TWIST2: variants seen among roughly 807,000 people sequenced by gnomAD.
TWIST2 encodes the protein twist family bHLH transcription factor 2, also known as twist-related protein 2.
In TWIST2, 1 loss-of-function variant was observed where a neutral mutation model predicts 11.6. The observed-to-expected ratio is 0.09, with a 90% CI of 0.03 to 0.41. TWIST2 has a LOEUF of 0.41. Ranked by LOEUF, TWIST2 falls within the 10% of genes least tolerant of loss-of-function variation. The probability of loss-of-function intolerance (pLI) is 0.98; values close to 1 mark genes in which losing one functional copy is unlikely to be tolerated. For synonymous variants in TWIST2, 87 were observed against 96.6 expected, an observed-to-expected ratio of 0.90 and a Z score of 0.58; for missense variants, 168 against 226.4, an observed-to-expected ratio of 0.74 and a Z score of 1.66.
chr2:238,891,142 C>T (rs1693125129), intron 1 of TWIST2, among the ~76,000 whole-genome samples: 1 of 152,236 alleles, frequency 6.6e-6, no homozygotes, highest in Admixed American at 6.5e-5. Flanking sequence ...AATGAAATGT[C>T]AGGAATTGCA....
At chr2:238,906,222 A>G (rs1322031906) in intron 1 of TWIST2, among the ~76,000 whole-genome samples, 3 of 152,040 alleles carry the variant, frequency 2.0e-5, no homozygotes, top group Non-Finnish European at 4.4e-5. Context: ...CCACGCCCAC[A>G]GGGACACACA....
intron 1 of TWIST2, among the ~76,000 whole-genome samples, chr2:238,895,377 C>T (rs940285351): frequency 6.6e-6 from 1 of 152,248 alleles, no homozygotes; most frequent in African/African-American, 2.4e-5. Flanking sequence ...GGCCAGGTGG[C>T]CCCCAGAAGG....
At chr2:238,906,057 T>A (rs1390233619) in intron 1 of TWIST2, among the ~76,000 whole-genome samples, 4 of 152,180 alleles carry the variant, frequency 2.6e-5, no homozygotes, top group African/African-American at 9.7e-5. Context: ...TCTTGGCTTT[T>A]TCAGACTGTT....
intron 1 of TWIST2, among the ~76,000 whole-genome samples, chr2:238,853,910 A>G (rs1692287237): frequency 6.6e-6 from 1 of 152,218 alleles, no homozygotes; most frequent in Admixed American, 6.5e-5. Flanking sequence ...TGAAGATGAG[A>G]GAGCGCGGCT....
At chr2:238,900,549 G>A (rs1693256347) in intron 1 of TWIST2, among the ~76,000 whole-genome samples, 2 of 152,356 alleles carry the variant, frequency 1.3e-5, no homozygotes, top group African/African-American at 2.4e-5. Flanking sequence ...TGGACAGAAG[G>A]CATTTCTAGT....
chr2:238,887,596 C>T (rs1460564627), intron 1 of TWIST2, among the ~76,000 whole-genome samples: 1 of 152,250 alleles, frequency 6.6e-6, no homozygotes, highest in Non-Finnish European at 1.5e-5. Context: ...TCACACTCCT[C>T]AGAGCCCCTG....
At chr2:238,895,582 C>T (rs991846807) in intron 1 of TWIST2, among the ~76,000 whole-genome samples, 4 of 152,220 alleles carry the variant, frequency 2.6e-5, no homozygotes, top group African/African-American at 4.8e-5. Flanking sequence ...TCTGGCTGCT[C>T]GTGGCTGGCC....
chr2:238,853,447 T>G (rs879658433), intron 1 of TWIST2, among the ~76,000 whole-genome samples: 10,788 of 58,506 alleles, frequency 0.18, 2 homozygotes, highest in Non-Finnish European at 0.21. Context: ...GAGGGAGAGA[T>G]GGAGAGAGAG....
At chr2:238,905,908 T>TGCAG (rs1693339669) in intron 1 of TWIST2, among the ~76,000 whole-genome samples, 109 of 43,940 alleles carry the variant, frequency 2.5e-3, no homozygotes, top group African/African-American at 0.011. Flanking sequence ...TGTGTGCGTG[T>TGCAG]GTGTGCGTGC....
Position 238,867,779 on chromosome 2 carries a change from TAGG to T in TWIST2, c.*35+19050_*35+19052del, listed in dbSNP as rs1692569590. Among the ~76,000 whole-genome samples, 1 of 152,068 alleles carries T rather than the reference TAGG, an allele frequency of 6.6e-6. No individual in the cohort carries two copies. The highest frequency in any genetic ancestry group is 1.5e-5 in the Non-Finnish European group (1 of 68,016). ...CATCAGAAAGAAATTGATGGTGAGT[TAGG>T]AGGCCAGGAGGGAAGCAGCCGTTCC... On this transcript the variant is annotated intron_variant, in intron 1 of 1. Coordinates refer to ENST00000612363, the MANE Select transcript of TWIST2 (RefSeq NM_001271893.4). This position sits in a 1 kb window ranked among gnomAD's most constrained non-coding sequence, Gnocchi z 4.8.
intron 1 of TWIST2, among the ~76,000 whole-genome samples, chr2:238,899,270 A>C (rs1693242127): frequency 6.6e-6 from 1 of 152,236 alleles, no homozygotes; most frequent in Non-Finnish European, 1.5e-5. Context: ...GTGAGCACTT[A>C]TGAAGTGCCA....
At chr2:238,907,960 A>T (rs951632707) in intron 1 of TWIST2, among the ~76,000 whole-genome samples, 1 of 150,106 alleles carries the variant, frequency 6.7e-6, no homozygotes, top group East Asian at 2.0e-4. Flanking sequence ...GCACACAAAC[A>T]TACCACACAC....
intron 1 of TWIST2, among the ~76,000 whole-genome samples, chr2:238,897,476 G>A (rs1428638339): frequency 6.6e-6 from 1 of 152,132 alleles, no homozygotes; most frequent in Non-Finnish European, 1.5e-5. Flanking sequence ...AGAGCAGCTG[G>A]CTTCCTGACA....
At chr2:238,890,572 G>GA (rs1030963345) in intron 1 of TWIST2, among the ~76,000 whole-genome samples, 5 of 152,042 alleles carry the variant, frequency 3.3e-5, no homozygotes, top group Admixed American at 2.0e-4. Flanking sequence ...TCTAGTTCTG[G>GA]AAAAAAATTC....
rs1244802262 is a variant in TWIST2, at chr2:238,905,945, G to A, written c.*36-3897G>A. On this transcript the variant is annotated intron_variant, in intron 1 of 1. Transcript: ENST00000612363. ...GGTGTGCGTGTGCGCGTGTGTGTGC[G>A]CGCGCGTGTGTACGTGTGCGTGTGT... Among the ~76,000 whole-genome samples, 10 of 111,486 alleles carry A rather than the reference G, an allele frequency of 9.0e-5. No individual in the cohort carries two copies. The South Asian group carries it at 9.8e-4, about 11-fold the overall frequency. The allele number at this position is 111,486 out of a possible 152,430, so 73.1% of individuals were successfully genotyped here. A position where few individuals can be genotyped will look rare whatever the true frequency, so the allele number is the denominator to read the frequency against.
chr2:238,857,278 G>T (rs193299559), intron 1 of TWIST2, among the ~76,000 whole-genome samples: 1 of 152,176 alleles, frequency 6.6e-6, no homozygotes, highest in East Asian at 1.9e-4. Flanking sequence ...GAGGCTGGAC[G>T]GGCCTTGGAG....
intron 1 of TWIST2, among the ~76,000 whole-genome samples, chr2:238,899,188 G>A (rs897693571): frequency 1.6e-4 from 24 of 152,348 alleles, no homozygotes; most frequent in Admixed American, 3.3e-4. Context: ...CACGGTCCCC[G>A]CATCCCTAAG....
intron 1 of TWIST2, among the ~76,000 whole-genome samples, chr2:238,854,329 A>C (rs144316237): frequency 1.3e-5 from 2 of 152,162 alleles, no homozygotes; most frequent in African/African-American, 4.8e-5. Flanking sequence ...CTCACTGTCT[A>C]ATTTGACAGA....
chr2:238,865,844 C>T lies in TWIST2; in HGVS notation c.*35+17111C>T, dbSNP rs558852487. 1.5e-3 allele frequency among the ~76,000 whole-genome samples: 234 copies of T among 152,270 alleles called. 1 individual carries two copies. The highest frequency in any genetic ancestry group is 5.3e-3 in the African/African-American group (220 of 41,548). On this transcript the variant is annotated intron_variant, in intron 1 of 1. Coordinates refer to ENST00000612363, the MANE Select transcript of TWIST2 (RefSeq NM_001271893.4). Reference sequence around the variant, plus strand: ...TAGGAAGCAATCCCCACAGTCTGTGCGATGTCACCTTGTGTGGTGGAAATG... The same window carrying T: ...TAGGAAGCAATCCCCACAGTCTGTGTGATGTCACCTTGTGTGGTGGAAATG...
Sources: gnomAD v4.1 joint callset for allele counts (sites outside exome capture counted in the v4.1 genomes callset) on GRCh38, gnomAD v4.1.1 for gene constraint, Gnocchi (gnomAD v3.1) non-coding constraint, MANE v1.5 for transcripts, NCBI Gene and HGNC (gene_info 2026-07-23, HGNC 2026-07-21) for gene names.